The following NCALD variants were observed in gnomAD, a reference collection of about 807,000 sequenced individuals.
The protein encoded by NCALD is neurocalcin-delta.
A neutral mutation model predicts 18.6 loss-of-function variants in NCALD; 10 were observed. The observed-to-expected ratio is 0.54, with a 90% CI of 0.33 to 0.91. NCALD has a LOEUF of 0.91. NCALD is among the 40% of genes least tolerant of loss of function. The pLI, the probability that NCALD is intolerant of heterozygous loss-of-function variation, is 0.03. For missense variants in NCALD, 184 were observed against 247.6 expected, an observed-to-expected ratio of 0.74 and a Z score of 1.72; for synonymous variants, 88 against 87.4, an observed-to-expected ratio of 1.01 and a Z score of -0.04.
At chr8:101,890,853 A>C (rs73280869) in intron 3 of NCALD, among the ~76,000 whole-genome samples, 1,630 of 152,348 alleles carry the variant, frequency 0.011, 29 homozygotes, top group African/African-American at 0.036. Context: ...GACATGCACA[A>C]ACATGACTTT....
intron 2 of NCALD, among the ~76,000 whole-genome samples, chr8:101,995,285 G>A (rs1821196147): frequency 1.3e-5 from 2 of 152,170 alleles, no homozygotes; most frequent in Admixed American, 6.5e-5. Flanking sequence ...TTGAAAACCT[G>A]TATAAGCCAT....
intron 3 of NCALD, among the ~76,000 whole-genome samples, chr8:101,895,938 C>T (rs1000079563): frequency 2.1e-4 from 32 of 150,792 alleles, no homozygotes; most frequent in Non-Finnish European, 3.5e-4. Flanking sequence ...GGCCATACTG[C>T]CCAAGGTAAT....
At chr8:101,954,025 GAGAA>G (rs1274375072) in intron 2 of NCALD, among the ~76,000 whole-genome samples, 4 of 152,354 alleles carry the variant, frequency 2.6e-5, no homozygotes, top group South Asian at 2.1e-4. Flanking sequence ...ACACCATGGT[GAGAA>G]AGAGAGACAC....
intron 1 of NCALD, among the ~76,000 whole-genome samples, chr8:101,754,693 A>T (rs1810801374): frequency 1.3e-5 from 2 of 152,172 alleles, no homozygotes; most frequent in Non-Finnish European, 2.9e-5. Context: ...AGGTGTTATC[A>T]CCATCTAACA....
chr8:101,895,387 A>G (rs1234191147), intron 3 of NCALD, among the ~76,000 whole-genome samples: 3 of 149,278 alleles, frequency 2.0e-5, no homozygotes, highest in Admixed American at 1.3e-4. Flanking sequence ...GCTATCTATG[A>G]CAAACCCACA....
At chr8:101,926,664 A>AACTTAGT (rs1350718597) in intron 2 of NCALD, among the ~76,000 whole-genome samples, 1 of 152,168 alleles carries the variant, frequency 6.6e-6, no homozygotes, top group East Asian at 1.9e-4. Flanking sequence ...CCACAGTCTT[A>AACTTAGT]ACAATTTCCC....
chr8:101,817,955 A>G (rs185230679), intron 4 of NCALD, among the ~76,000 whole-genome samples: 3 of 152,312 alleles, frequency 2.0e-5, no homozygotes, highest in Non-Finnish European at 4.4e-5. Context: ...AGTTCATTTT[A>G]AATCTGTACG....
intron 2 of NCALD, among the ~76,000 whole-genome samples, chr8:101,995,016 G>A (rs1821185693): frequency 6.6e-6 from 1 of 152,068 alleles, no homozygotes; most frequent in Admixed American, 6.6e-5. Context: ...CTTGTATATG[G>A]TAGGATTTCA....
chr8:101,753,269 G>C (rs1470244723), intron 1 of NCALD, among the ~76,000 whole-genome samples: 1 of 152,128 alleles, frequency 6.6e-6, no homozygotes, highest in Admixed American at 6.6e-5. Context: ...AGATCAGATG[G>C]GTGGGATAAG....
chr8:101,941,483 A>T (rs574366520), intron 2 of NCALD, among the ~76,000 whole-genome samples: 1 of 152,300 alleles, frequency 6.6e-6, no homozygotes, highest in African/African-American at 2.4e-5. Context: ...CCAGCCCGGG[A>T]CCCCTGACAC....
intron 1 of NCALD, among the ~76,000 whole-genome samples, chr8:101,737,558 G>C (rs7844838): frequency 0.71 from 107,296 of 152,132 alleles, 39,107 homozygotes; most frequent in Non-Finnish European, 0.79. Flanking sequence ...CCTCACCCTA[G>C]CTTGACCTTG....
At chr8:101,719,942 G>A (rs1013775926) in intron 1 of NCALD, among the ~76,000 whole-genome samples, 5 of 152,210 alleles carry the variant, frequency 3.3e-5, no homozygotes, top group African/African-American at 9.7e-5. Flanking sequence ...AGAGGGAAAT[G>A]AGGGCAGGGA....
intron 3 of NCALD, among the ~76,000 whole-genome samples, chr8:101,903,321 C>T (rs953608438): frequency 2.0e-5 from 3 of 151,850 alleles, no homozygotes; most frequent in Admixed American, 1.3e-4. Context: ...CTCAGCCTCC[C>T]GAGTAGCTGG....
In NCALD at chr8:101,748,590, TA is replaced by T. The variant is rs1276454813; in HGVS notation, c.-19-28943del. On this transcript the variant is annotated intron_variant, in intron 1 of 3. Transcript: ENST00000220931. ...TTTTTTGTGATTGAGCATATTCCTA[TA>T]AAAGCACTCCCCATGAACCAGTGCT... Among the ~76,000 whole-genome samples, 10 of 152,184 alleles carry T rather than the reference TA, an allele frequency of 6.6e-5. 1 individual carries two copies. Among genetic ancestry groups the T allele is most frequent in the Admixed American group, 2.0e-4 (3 of 15,274 alleles).
At chr8:101,727,510 C>A (rs146849680) in intron 1 of NCALD, among the ~76,000 whole-genome samples, 1 of 152,318 alleles carries the variant, frequency 6.6e-6, no homozygotes, top group Non-Finnish European at 1.5e-5. Context: ...GTCACCCAAG[C>A]TGGAGTGCAG....
intron 2 of NCALD, among the ~76,000 whole-genome samples, chr8:101,706,638 C>T (rs4734587): frequency 0.49 from 74,371 of 152,056 alleles, 20,771 homozygotes; most frequent in African/African-American, 0.76. Flanking sequence ...GAGATCATCA[C>T]GAATTTGAGT....
intron 1 of NCALD, among the ~76,000 whole-genome samples, chr8:102,123,576 T>C (rs1314762193): frequency 1.3e-5 from 2 of 151,800 alleles, no homozygotes; most frequent in Non-Finnish European, 2.9e-5. Flanking sequence ...AATAAATCGG[T>C]ATGCACTGAA....
chr8:101,840,089 A>G (rs1332905707), intron 4 of NCALD, among the ~76,000 whole-genome samples: 1 of 151,486 alleles, frequency 6.6e-6, no homozygotes, highest in Admixed American at 6.6e-5. Flanking sequence ...TAAAAACATC[A>G]TTATCTGTCA....
At chr8:102,048,310 CT>C (rs1384207916) in intron 1 of NCALD, among the ~76,000 whole-genome samples, 2 of 152,100 alleles carry the variant, frequency 1.3e-5, no homozygotes, top group Non-Finnish European at 2.9e-5. Flanking sequence ...AAAGGCAATT[CT>C]CTGAAAAGTT....
Sources: gnomAD v4.1 joint callset for allele counts (sites outside exome capture counted in the v4.1 genomes callset) on GRCh38, gnomAD v4.1.1 for gene constraint, MANE v1.5 for transcripts, NCBI Gene and HGNC (gene_info 2026-07-23, HGNC 2026-07-21) for gene names.